Variants in TXNDC8 observed in about 807,000 individuals in gnomAD.
The protein encoded by TXNDC8 is thioredoxin domain-containing protein 8.
TXNDC8 carries 15 observed loss-of-function variants against 12.9 expected under a neutral mutation model. That is an observed-to-expected ratio of 1.16 (90% CI 0.78 to 1.79). The LOEUF (loss-of-function observed/expected upper bound fraction) is 1.79. Among genes scored for constraint, TXNDC8 ranks in the 40% most tolerant of loss-of-function variants. The pLI, the probability that TXNDC8 is intolerant of heterozygous loss-of-function variation, is 0.00. For missense variants in TXNDC8, 128 were observed against 113.2 expected, an observed-to-expected ratio of 1.13 and a Z score of -0.59; for synonymous variants, 40 against 35.4, an observed-to-expected ratio of 1.13 and a Z score of -0.46.
intron 3 of TXNDC8, among the ~76,000 whole-genome samples, chr9:110,325,709 C>T (rs901576383): frequency 2.6e-5 from 4 of 151,932 alleles, no homozygotes; most frequent in Non-Finnish European, 4.4e-5. Context: ...TTAATAGAGA[C>T]GGGGTTTCAC....
intron 2 of TXNDC8, among the ~76,000 whole-genome samples, chr9:110,327,326 A>ATTT (rs59735243): frequency 8.6e-4 from 98 of 114,158 alleles, no homozygotes; most frequent in South Asian, 1.7e-3. Context: ...TATACTATAT[A>ATTT]TTTTTTTTTT....
chr9:110,303,862 G>T (rs1195440411), intron 4 of TXNDC8, among the ~76,000 whole-genome samples: 2 of 151,998 alleles, frequency 1.3e-5, no homozygotes, highest in African/African-American at 4.8e-5. Context: ...AATAATCTCG[G>T]AAATAAACAA....
intron 3 of TXNDC8, among the ~76,000 whole-genome samples, chr9:110,308,459 C>G (rs1406187344): frequency 7.5e-6 from 1 of 133,426 alleles, no homozygotes; most frequent in South Asian, 2.4e-4. Context: ...GCTCAGAGAT[C>G]ACATTGTTTT....
chr9:110,322,668 C>T (rs879619650), intron 3 of TXNDC8: 6 of 985,234 alleles, frequency 6.1e-6, no homozygotes, highest in Non-Finnish European at 7.2e-6. Context: ...GCAGCAGCTA[C>T]CAAACAATAT....
At chr9:110,305,792 CTTTTCTTTT>C (rs1195694388) in intron 3 of TXNDC8, among the ~76,000 whole-genome samples, 1 of 56,826 alleles carries the variant, frequency 1.8e-5, no homozygotes, top group Admixed American at 2.0e-4. Context: ...TCTTTTCTTT[CTTTTCTTTT>C]CTTTTCTTTC....
At chr9:110,301,672 C>T (rs184051514), downstream of TXNDC8, among the ~76,000 whole-genome samples, 2 of 152,084 alleles carry the variant, frequency 1.3e-5, no homozygotes, top group East Asian at 1.9e-4. Flanking sequence ...CTTTCCAGCA[C>T]GAAGACTGGA....
intron 3 of TXNDC8, among the ~76,000 whole-genome samples, chr9:110,321,046 T>C (rs1177140421): frequency 6.6e-6 from 1 of 152,256 alleles, no homozygotes; most frequent in Non-Finnish European, 1.5e-5. Context: ...TGGCCCATAA[T>C]CTGCCATGGT....
At chr9:110,323,242 G>T in intron 3 of TXNDC8, 3 of 985,338 alleles carry the variant, frequency 3.0e-6, no homozygotes, top group Non-Finnish European at 3.6e-6. Flanking sequence ...AAAGGAGAGA[G>T]GTAGAATGGG....
chr9:110,326,424 ATGAT>A (rs1428867676), intron 2 of TXNDC8, among the ~76,000 whole-genome samples, 184 bp from the exon 4 acceptor site: 22 of 152,214 alleles, frequency 1.4e-4, no homozygotes, highest in African/African-American at 5.1e-4. Flanking sequence ...TTGACATAAA[ATGAT>A]TGATAGAAAA....
chr9:110,326,322 G>T lies in TXNDC8; in HGVS notation c.130-82C>A, dbSNP rs1410712169. On this transcript the variant is annotated intron_variant, in intron 2 of 4. Coordinates refer to ENST00000423740, the MANE Select transcript of TXNDC8 (RefSeq NM_001286946.2). ...AAGCATGTTATTTGGTAACTTTTTA[G>T]GAGGCGTGTCTGAAATTCCAAGGAC... The T allele has an allele frequency of 6.9e-6, 10 of 1,444,454 alleles. No individual in the cohort carries two copies. In the African/African-American group the frequency reaches 1.4e-4, roughly 20 times the overall value. 89.5% of individuals were successfully genotyped at this position (1,444,454 alleles called of 1,614,324 possible). A position where few individuals can be genotyped will look rare whatever the true frequency, so the allele number is the denominator to read the frequency against.
chr9:110,305,345 A>G (rs1283445787), intron 3 of TXNDC8, among the ~76,000 whole-genome samples: 4 of 152,120 alleles, frequency 2.6e-5, no homozygotes, highest in African/African-American at 9.7e-5. Flanking sequence ...TTGGTATTCC[A>G]TTGCATGAAT....
downstream of TXNDC8, chr9:110,303,372 TGCA>T: frequency 1.1e-6 from 1 of 871,374 alleles, no homozygotes. Flanking sequence ...TTAGCAATTG[TGCA>T]GTGAGATTGC....
intron 3 of TXNDC8, among the ~76,000 whole-genome samples, chr9:110,305,721 C>A (rs1838432686): frequency 7.3e-6 from 1 of 136,390 alleles, no homozygotes; most frequent in South Asian, 2.6e-4. Context: ...CTTTTTCTTT[C>A]TTTCTTTCCT....
At chr9:110,312,263 C>T (rs553098990) in intron 3 of TXNDC8, among the ~76,000 whole-genome samples, 20 of 152,282 alleles carry the variant, frequency 1.3e-4, no homozygotes, top group Admixed American at 3.9e-4. Context: ...GTATTCTTAA[C>T]TTATGGCAAT....
chr9:110,337,828 C>T lies in TXNDC8; in HGVS notation c.-32G>A. The T allele has an allele frequency of 6.2e-7, 1 of 1,612,322 alleles. No individual in the cohort carries two copies. Among genetic ancestry groups the T allele is most frequent in the Non-Finnish European group, 8.5e-7 (1 of 1,178,798 alleles). On this transcript the variant is annotated 5_prime_UTR_variant, in exon 1 of 5. Transcript: ENST00000423740. ...ACCAGGGAAGTGCTGATGAAAATCC[C>T]CTGTTGGTTTAGTTGGATCACTGTA...
chr9:110,323,109 G>A (rs1470742216), intron 3 of TXNDC8: 3 of 985,214 alleles, frequency 3.0e-6, no homozygotes, highest in Admixed American at 1.2e-4. Flanking sequence ...TGCCATACAG[G>A]GAGCTGTGCA....
At chr9:110,330,779 G>A (rs755264704) in intron 2 of TXNDC8, among the ~76,000 whole-genome samples, 1 of 152,232 alleles carries the variant, frequency 6.6e-6, no homozygotes, top group South Asian at 2.1e-4. Context: ...CTGTGACAGA[G>A]ATCATATGGC....
intron 3 of TXNDC8, chr9:110,323,798 A>C: frequency 6.7e-7 from 1 of 1,501,500 alleles, no homozygotes; most frequent in Non-Finnish European, 8.9e-7. Flanking sequence ...CAGGTTTTAC[A>C]TGGTGACAAG....
At chr9:110,304,846 T>C (rs1838367697) in intron 3 of TXNDC8, among the ~76,000 whole-genome samples, 1 of 152,126 alleles carries the variant, frequency 6.6e-6, no homozygotes, top group Non-Finnish European at 1.5e-5. Flanking sequence ...TTGCCTGTTT[T>C]TGGACTTTTA....
Sources: gnomAD v4.1 joint callset for allele counts (sites outside exome capture counted in the v4.1 genomes callset) on GRCh38, gnomAD v4.1.1 for gene constraint, MANE v1.5 for transcripts, NCBI Gene and HGNC (gene_info 2026-07-23, HGNC 2026-07-21) for gene names.